The following ANO4 variants were observed in gnomAD, a reference collection of about 807,000 sequenced individuals.
ANO4 encodes anoctamin-4.
ANO4 carries 69 observed loss-of-function variants against 141.9 expected under a neutral mutation model. The ratio of observed to expected loss-of-function variants is 0.49; its 90% confidence interval spans 0.40 to 0.59. The LOEUF is 0.59. Ranked by LOEUF, ANO4 falls within the 20% of genes least tolerant of loss-of-function variation. The probability of loss-of-function intolerance (pLI) is 0.00; values close to 1 mark genes in which losing one functional copy is unlikely to be tolerated. For missense variants in ANO4, 894 were observed against 1,162.2 expected (o/e 0.77, Z 3.36); for synonymous variants, 350 against 394.3 (o/e 0.89, Z 1.33).
chr12:100,903,254 C>G (rs10735373), intron 2 of ANO4, among the ~76,000 whole-genome samples: 1 of 151,914 alleles, frequency 6.6e-6, no homozygotes, highest in Non-Finnish European at 1.5e-5. Flanking sequence ...ACTTGTTTCC[C>G]AAACACTGTT....
intron 1 of ANO4, among the ~76,000 whole-genome samples, chr12:100,834,767 G>A (rs2135785901): frequency 6.6e-6 from 1 of 152,218 alleles, no homozygotes; most frequent in East Asian, 1.9e-4. Context: ...GTTTTAAAAA[G>A]TGATTGGAGA....
At chr12:100,988,844 C>T (rs1449653484) in intron 8 of ANO4, among the ~76,000 whole-genome samples, 5 of 130,960 alleles carry the variant, frequency 3.8e-5, no homozygotes, top group Admixed American at 3.8e-4. Flanking sequence ...GCACTCCAGC[C>T]TGGGTGACAG....
chr12:100,914,993 AT>A (rs143409160), intron 2 of ANO4, among the ~76,000 whole-genome samples: 3 of 150,828 alleles, frequency 2.0e-5, no homozygotes, highest in East Asian at 3.9e-4. Context: ...TTTATTTTAT[AT>A]TTTTTTTTAG....
chr12:101,035,205 G>A (rs1234607712), intron 9 of ANO4, among the ~76,000 whole-genome samples: 2 of 152,036 alleles, frequency 1.3e-5, no homozygotes, highest in Non-Finnish European at 2.9e-5. Context: ...ATACTACTCA[G>A]CAATAAAAAG....
chr12:100,849,490 C>T (rs932057808), intron 1 of ANO4, among the ~76,000 whole-genome samples: 6 of 152,188 alleles, frequency 3.9e-5, no homozygotes, highest in Non-Finnish European at 8.8e-5. Context: ...GTAACATAGG[C>T]TGCAGGCTGT....
chr12:101,020,319 C>G (rs1012966719), intron 9 of ANO4, among the ~76,000 whole-genome samples, 179 bp downstream of exon 9: 1 of 152,180 alleles, frequency 6.6e-6, no homozygotes, highest in Non-Finnish European at 1.5e-5. Flanking sequence ...TAAATATCTT[C>G]TTTAAATAGC....
At chr12:100,744,589 T>G (rs1857460324) in intron 3 of ANO4, among the ~76,000 whole-genome samples, 1 of 152,182 alleles carries the variant, frequency 6.6e-6, no homozygotes, top group African/African-American at 2.4e-5. Flanking sequence ...TTCCAACATA[T>G]GAATTTTGGA....
intron 9 of ANO4, among the ~76,000 whole-genome samples, chr12:101,034,002 G>T (rs572223716): frequency 6.6e-6 from 1 of 152,280 alleles, no homozygotes; most frequent in East Asian, 1.9e-4. Context: ...ATGCTGGTGA[G>T]GCTGTGGAGA....
At chr12:100,936,138 A>G (rs1201257120) in intron 3 of ANO4, among the ~76,000 whole-genome samples, 1 of 152,184 alleles carries the variant, frequency 6.6e-6, no homozygotes, top group Non-Finnish European at 1.5e-5. Context: ...CTCAAGTGGC[A>G]GTAGCCCCAT....
intron 9 of ANO4, among the ~76,000 whole-genome samples, chr12:101,027,426 C>T (rs1249642178): frequency 6.6e-6 from 1 of 152,126 alleles, no homozygotes; most frequent in Non-Finnish European, 1.5e-5. Flanking sequence ...GGGCAGCAGC[C>T]AGCACTGGGA....
chr12:100,720,419 C>T (rs115178187), intron 1 of ANO4, among the ~76,000 whole-genome samples: 217 of 151,818 alleles, frequency 1.4e-3, no homozygotes, highest in African/African-American at 5.0e-3. Context: ...ACAGTAAGTG[C>T]AAAGGCCCTG....
intron 3 of ANO4, among the ~76,000 whole-genome samples, chr12:100,928,685 A>G (rs1187698201): frequency 1.3e-5 from 2 of 152,180 alleles, no homozygotes. Flanking sequence ...GAATGAGCAA[A>G]GATTGAATTA....
chr12:100,949,234 C>T (rs1397558954), intron 5 of ANO4, among the ~76,000 whole-genome samples: 6 of 152,158 alleles, frequency 3.9e-5, no homozygotes, highest in African/African-American at 1.4e-4. Flanking sequence ...TGCCTGACTT[C>T]CACCCTCTAG....
chr12:100,917,611 T>C (rs1296416904), intron 2 of ANO4, among the ~76,000 whole-genome samples: 2 of 152,232 alleles, frequency 1.3e-5, no homozygotes, highest in East Asian at 3.9e-4. Context: ...ATTGGTACAC[T>C]GATCACTCTC....
At chr12:101,029,808 G>A (rs1468580235) in intron 9 of ANO4, among the ~76,000 whole-genome samples, 2 of 150,632 alleles carry the variant, frequency 1.3e-5, no homozygotes, top group African/African-American at 4.9e-5. Flanking sequence ...TACTCGGGAG[G>A]CTGAGGCAGG....
At chr12:100,857,791 C>T (rs1593537200) in intron 1 of ANO4, among the ~76,000 whole-genome samples, 1 of 152,160 alleles carries the variant, frequency 6.6e-6, no homozygotes, top group East Asian at 1.9e-4. Context: ...AGAACTACAG[C>T]CTCCTCAAAC....
intron 24 of ANO4, among the ~76,000 whole-genome samples, chr12:101,116,030 G>A (rs2050837218): frequency 6.6e-6 from 1 of 152,178 alleles, no homozygotes; most frequent in African/African-American, 2.4e-5. Context: ...AAGTATGGTG[G>A]CACTACAGAG....
At chr12:101,025,928 A>G (rs1837345468) in intron 9 of ANO4, among the ~76,000 whole-genome samples, 1 of 152,212 alleles carries the variant, frequency 6.6e-6, no homozygotes, top group South Asian at 2.1e-4. Context: ...ATCTTCCTCA[A>G]CCTCATAAAA....
chr12:100,754,451 C>G (rs1251895513), intron 3 of ANO4, among the ~76,000 whole-genome samples: 1 of 151,220 alleles, frequency 6.6e-6, no homozygotes, highest in African/African-American at 2.4e-5. Context: ...TTGTCATTGT[C>G]TAAAACACTG....
Sources: gnomAD v4.1 joint callset for allele counts (sites outside exome capture counted in the v4.1 genomes callset) on GRCh38, gnomAD v4.1.1 for gene constraint, MANE v1.5 for transcripts, NCBI Gene and HGNC (gene_info 2026-07-23, HGNC 2026-07-21) for gene names.